The following COPG2 variants were observed in gnomAD, a reference collection of about 807,000 sequenced individuals.
COPG2 encodes coatomer subunit gamma-2.
A neutral mutation model predicts 46.3 loss-of-function variants in COPG2; 37 were observed. The observed-to-expected ratio is 0.80, with a 90% confidence interval of 0.61 to 1.05. COPG2 has a LOEUF of 1.05. COPG2 is among the 50% of genes least tolerant of loss of function. The pLI is 0.00. For synonymous variants in COPG2, 159 were observed against 129.7 expected (o/e 1.23, Z -1.53); for missense variants, 427 against 387.8 (o/e 1.10, Z -0.85).
chr7:130,519,646 A>C (rs1799709026), intron 20 of COPG2, among the ~76,000 whole-genome samples: 1 of 152,216 alleles, frequency 6.6e-6, no homozygotes. Flanking sequence ...AAATGGAAAG[A>C]CATTATTTGA....
chr7:130,514,490 AT>A (rs1799661482), intron 20 of COPG2, among the ~76,000 whole-genome samples: 2 of 152,168 alleles, frequency 1.3e-5, no homozygotes, highest in Non-Finnish European at 2.9e-5. Flanking sequence ...TCATGTGAAG[AT>A]TTTCTACAGA....
intron 9 of COPG2, among the ~76,000 whole-genome samples, chr7:130,596,599 C>G (rs1295152402): frequency 1.3e-5 from 2 of 152,172 alleles, no homozygotes; most frequent in East Asian, 3.8e-4. Context: ...ACCAAGGCAG[C>G]CAGCCAAGGG....
At chr7:130,611,650 C>T (rs1249986484) in intron 8 of COPG2, among the ~76,000 whole-genome samples, 3 of 152,168 alleles carry the variant, frequency 2.0e-5, no homozygotes, top group Admixed American at 6.5e-5. Flanking sequence ...ATCAAGAGGG[C>T]ATAAACGCCC....
At chr7:130,607,198 G>A (rs976913717) in intron 9 of COPG2, among the ~76,000 whole-genome samples, 1 of 151,724 alleles carries the variant, frequency 6.6e-6, no homozygotes. Flanking sequence ...CCAGGATCAC[G>A]CCACTGCAGT....
At chr7:130,631,921 A>G (rs1239219498) in intron 5 of COPG2, among the ~76,000 whole-genome samples, 1 of 152,216 alleles carries the variant, frequency 6.6e-6, no homozygotes, top group African/African-American at 2.4e-5. Flanking sequence ...ACTCTGTCAG[A>G]GATAAATTCT....
At position 130,511,952 on chromosome 7, in the gene COPG2, C is replaced by T. The variant is rs111891566; in HGVS notation, c.2150-3293G>A. On this transcript the variant is annotated intron_variant, in intron 20 of 23. Transcript: ENST00000425248. ...TAGATGGGCCGGGTGCAGTGGCTCACGCCTGTAATCCCAGCACTTTGGGAG... is the reference window on the plus strand; with the variant it reads ...TAGATGGGCCGGGTGCAGTGGCTCATGCCTGTAATCCCAGCACTTTGGGAG... The T allele has an allele frequency of 1.5e-3, 679 of 458,810 alleles. 7 individuals carry two copies. The highest frequency in any genetic ancestry group is 6.1e-3 in the South Asian group (392 of 64,558). The allele number at this position is 458,810 out of a possible 1,614,324, so 28.4% of individuals were successfully genotyped here.
Position 130,527,642 on chromosome 7 carries a change from C to T in COPG2, c.2150-18983G>A, listed in dbSNP as rs1325816831. The stretch of plus-strand genomic sequence containing the variant: ...AGCCCAAAAGATGCTTCTGATAGGC[C>T]GCCTTGGGGTCCTGCATCCTCGGGT... On this transcript the variant is annotated intron_variant, in intron 20 of 23. Coordinates refer to ENST00000425248, the MANE Select transcript of COPG2 (RefSeq NM_012133.6). Among the ~76,000 whole-genome samples the T allele has an allele frequency of 6.6e-5, 10 of 152,178 alleles. 1 individual carries two copies. The South Asian group carries it at 1.9e-3, about 28-fold the overall frequency.
intron 20 of COPG2, among the ~76,000 whole-genome samples, chr7:130,512,260 G>C (rs1799608593): frequency 6.6e-6 from 1 of 150,380 alleles, no homozygotes; most frequent in Non-Finnish European, 1.5e-5. Context: ...AATTTAACAT[G>C]AGCCAAGCCC....
At chr7:130,639,324 C>A (rs2116195380) in intron 5 of COPG2, among the ~76,000 whole-genome samples, 1 of 152,284 alleles carries the variant, frequency 6.6e-6, no homozygotes, top group East Asian at 1.9e-4. Flanking sequence ...AGAGTGTCTG[C>A]CTTTATAGTA....
chr7:130,558,759 C>T (rs1392327438), intron 12 of COPG2, among the ~76,000 whole-genome samples: 3 of 152,192 alleles, frequency 2.0e-5, no homozygotes, highest in South Asian at 2.1e-4. Flanking sequence ...TGGACTCAAG[C>T]GATGCCCCTG....
At chr7:130,583,695 C>T (rs1794204455) in intron 9 of COPG2, among the ~76,000 whole-genome samples, 1 of 145,884 alleles carries the variant, frequency 6.9e-6, no homozygotes, top group South Asian at 2.2e-4. Context: ...GTCCCAGCTA[C>T]TTGGGAGGCT....
chr7:130,667,337 CTT>C (rs1268196143), intron 2 of COPG2, 143 bp downstream of exon 2: 8 of 655,448 alleles, frequency 1.2e-5, no homozygotes, highest in African/African-American at 1.1e-4. Flanking sequence ...AGTAACCCCT[CTT>C]TCTTTTCCCT....
intron 17 of COPG2, among the ~76,000 whole-genome samples, chr7:130,549,880 C>A (rs1793507596): frequency 6.6e-6 from 1 of 151,954 alleles, no homozygotes; most frequent in Non-Finnish European, 1.5e-5. Flanking sequence ...AGACGAACCT[C>A]CAATAACAAA....
intron 11 of COPG2, among the ~76,000 whole-genome samples, chr7:130,562,975 A>C (rs1403975251): frequency 6.6e-6 from 1 of 152,200 alleles, no homozygotes; most frequent in African/African-American, 2.4e-5. Context: ...CTGAGGGTTG[A>C]ATTTTTTATT....
At chr7:130,569,868 G>C (rs1208978754) in intron 9 of COPG2, among the ~76,000 whole-genome samples, 8 of 152,102 alleles carry the variant, frequency 5.3e-5, no homozygotes, top group Non-Finnish European at 1.0e-4. Context: ...TGACCAAGTG[G>C]GTTTCATACC....
At chr7:130,601,843 G>C (rs575758739) in intron 9 of COPG2, among the ~76,000 whole-genome samples, 3 of 151,266 alleles carry the variant, frequency 2.0e-5, no homozygotes, top group Admixed American at 6.6e-5. Context: ...AGGAAGGAAG[G>C]AGGGAAGGAA....
intron 9 of COPG2, among the ~76,000 whole-genome samples, chr7:130,570,654 C>T (rs148749307): frequency 0.13 from 19,939 of 152,046 alleles, 1,851 homozygotes; most frequent in Non-Finnish European, 0.19. Context: ...TAATTCCCAT[C>T]AAAATACCAC....
intron 4 of COPG2, among the ~76,000 whole-genome samples, chr7:130,662,698 T>C (rs527780146): frequency 1.3e-5 from 2 of 152,342 alleles, no homozygotes; most frequent in African/African-American, 2.4e-5. Context: ...CACTGACTTC[T>C]TTATCAGTCC....
intron 4 of COPG2, among the ~76,000 whole-genome samples, chr7:130,653,300 C>A (rs1466978959): frequency 6.6e-6 from 1 of 152,182 alleles, no homozygotes; most frequent in Non-Finnish European, 1.5e-5. Flanking sequence ...GTTGCCTAGG[C>A]TGGAGTGCAA....
Sources: allele counts gnomAD v4.1 joint callset (sites outside exome capture counted in the v4.1 genomes callset), GRCh38; gene constraint gnomAD v4.1.1; transcripts MANE v1.5; gene names NCBI Gene and HGNC (gene_info 2026-07-23, HGNC 2026-07-21).